Variants in MAX observed in about 807,000 individuals in gnomAD.
The protein encoded by MAX is protein max.
A neutral mutation model predicts 22.3 loss-of-function variants in MAX; 3 were observed. The observed-to-expected ratio is 0.13, with a 90% CI of 0.06 to 0.35. The LOEUF is 0.35. Ranked by LOEUF, MAX falls within the 10% of genes least tolerant of loss-of-function variation. The pLI is 1.00. For missense variants in MAX, 119 were observed against 209.4 expected (o/e 0.57, Z 2.66); for synonymous variants, 72 against 77.7 (o/e 0.93, Z 0.39).
chr14:65,019,313 C>T (rs756842294), intron 3 of MAX, among the ~76,000 whole-genome samples: 1 of 151,974 alleles, frequency 6.6e-6, no homozygotes, highest in Non-Finnish European at 1.5e-5. Flanking sequence ...ATGGTGAAAC[C>T]CTGTCTCTAC....
chr14:65,065,913 G>A (rs1193040173), intron 3 of MAX, among the ~76,000 whole-genome samples: 1 of 152,196 alleles, frequency 6.6e-6, no homozygotes, highest in East Asian at 1.9e-4. Flanking sequence ...GAAACAGGTT[G>A]GAGAGCTTAC....
At chr14:65,083,747 A>C (rs765935334) in intron 3 of MAX, 53 of 1,084,462 alleles carry the variant, frequency 4.9e-5, no homozygotes, top group Non-Finnish European at 5.4e-5. Flanking sequence ...GCTGGACTCA[A>C]CAACTGACAT....
In MAX at chr14:65,102,445, A is replaced by ACACT. The variant is rs556734672; in HGVS notation, c.-110_-107dup. 2.2e-4 allele frequency: 340 copies of ACACT among 1,544,636 alleles called. 2 individuals carry two copies. The East Asian group carries it at 6.0e-3, about 27-fold the overall frequency. On this transcript the variant is annotated 5_prime_UTR_variant, in exon 1 of 5. Transcript: ENST00000358664. ...AACAAGCCGAGTCCCCCCCACACAC[A>ACACT]CACTCACTCACTCACTCACTCGCTC...
At position 65,011,247 on chromosome 14, in the gene MAX, GT is replaced by G. The variant is rs1401411877; in HGVS notation, c.172-4964del. Among the ~76,000 whole-genome samples, 1 of 152,098 alleles carries G rather than the reference GT, an allele frequency of 6.6e-6. No homozygotes were observed. The highest frequency in any genetic ancestry group is 1.5e-5 in the Non-Finnish European group (1 of 68,022). Reference sequence around the variant, plus strand: ...GTTCAAGACCAGCCTGGGCAACATGGTGAAACCCCCGTCTCCACTAAAAATA... The same window carrying G: ...GTTCAAGACCAGCCTGGGCAACATGGGAAACCCCCGTCTCCACTAAAAATA... On this transcript the variant is annotated intron_variant, in intron 3 of 3. Transcript: ENST00000341653. The surrounding 1 kb of genome is among the most constrained non-coding windows in gnomAD (Gnocchi z 4.0).
chr14:65,019,216 G>A (rs2061841466), intron 3 of MAX, among the ~76,000 whole-genome samples: 1 of 151,938 alleles, frequency 6.6e-6, no homozygotes, highest in South Asian at 2.1e-4. Context: ...GCTGGATGTA[G>A]TGGCTCATGG....
chr14:65,100,474 A>T (rs1174892668), intron 2 of MAX, among the ~76,000 whole-genome samples: 1 of 152,144 alleles, frequency 6.6e-6, no homozygotes, highest in East Asian at 1.9e-4. Flanking sequence ...AAATAAAATT[A>T]AAAATAGGAA....
At position 65,048,678 on chromosome 14, in the gene MAX, G is replaced by A. The variant is rs536880568; in HGVS notation, c.172-42394C>T. Among the ~76,000 whole-genome samples, 143 of 151,904 alleles carry A rather than the reference G, an allele frequency of 9.4e-4. 7 individuals carry two copies. The South Asian group carries it at 0.024, about 26-fold the overall frequency. On this transcript the variant is annotated intron_variant, in intron 3 of 3. Transcript: ENST00000341653. ...GACCAGCCTGGGCAATATAGTGAGA[G>A]CTTGTCTCTACAAAAAATTAAAAAC...
chr14:65,102,296 G>A lies in MAX; in HGVS notation c.36+8C>T, dbSNP rs1340766834. ...CCCGCACGGGAAGGAAGAAGCCCCAGGACTCACGTCGCTCTCCACCTCGAT... is the reference window on the plus strand; with the variant it reads ...CCCGCACGGGAAGGAAGAAGCCCCAAGACTCACGTCGCTCTCCACCTCGAT... On this transcript the variant is annotated splice_region_variant and intron_variant, in intron 1 of 4. Transcript: ENST00000358664. 3 of 1,613,750 alleles carry A rather than the reference G, an allele frequency of 1.9e-6. No homozygotes were observed. Among genetic ancestry groups the A allele is most frequent in the South Asian group, 2.2e-5 (2 of 91,046 alleles).
rs1032626356 is a variant in MAX, at chr14:65,012,962, A to G, written c.172-6678T>C. On this transcript the variant is annotated intron_variant, in intron 3 of 3. Coordinates refer to the MAX transcript ENST00000341653. The surrounding 1 kb of genome is among the most constrained non-coding windows in gnomAD (Gnocchi z 5.0). ...ATTTAACATTACTGTTTAAGAGTAGATCTTTAATATTTCCCAGAGCAACGT... is the reference window on the plus strand; with the variant it reads ...ATTTAACATTACTGTTTAAGAGTAGGTCTTTAATATTTCCCAGAGCAACGT... 7.9e-5 allele frequency among the ~76,000 whole-genome samples: 12 copies of G among 152,170 alleles called. 1 individual carries two copies. The highest frequency in any genetic ancestry group is 2.9e-4 in the African/African-American group (12 of 41,426).
In MAX at chr14:65,078,159, G is replaced by T; in HGVS notation, c.172-123C>A. The T allele has an allele frequency of 1.0e-6, 1 of 994,442 alleles. No individual in the cohort carries two copies. Among genetic ancestry groups the T allele is most frequent in the Non-Finnish European group, 1.6e-6 (1 of 631,540 alleles). 61.6% of individuals were successfully genotyped at this position (994,442 alleles called of 1,614,324 possible). A position where few individuals can be genotyped will look rare whatever the true frequency, so the allele number is the denominator to read the frequency against. On this transcript the variant is annotated intron_variant, in intron 3 of 4. Transcript: ENST00000358664. This position sits in a 1 kb window ranked among gnomAD's most constrained non-coding sequence, Gnocchi z 6.4. ...CGAGAGGGTAAGGTGGGAAAAGGCT[G>T]AAGAAATACAATAATGGCTACTGTA...
intron 2 of MAX, among the ~76,000 whole-genome samples, chr14:65,100,313 G>C (rs1040732282): frequency 2.0e-5 from 3 of 152,112 alleles, no homozygotes; most frequent in Non-Finnish European, 4.4e-5. Context: ...AGCTGGGTGT[G>C]GTGGCACGCG....
chr14:65,047,910 C>T lies in MAX; in HGVS notation c.172-41626G>A, dbSNP rs1263290109. ...CTTTTCCTGGAACCCTACACAAAAC[C>T]CCTTGAACAATGGGTACCTTTGGGA... On this transcript the variant is annotated intron_variant, in intron 3 of 3. Coordinates refer to the MAX transcript ENST00000341653. The surrounding 1 kb of genome is among the most constrained non-coding windows in gnomAD (Gnocchi z 5.2). Among the ~76,000 whole-genome samples the T allele has an allele frequency of 6.6e-6, 1 of 152,064 alleles. No homozygotes were observed. Among genetic ancestry groups the T allele is most frequent in the Non-Finnish European group, 1.5e-5 (1 of 68,020 alleles).
In MAX at chr14:65,012,452, A is replaced by G. The variant is rs2139512442; in HGVS notation, c.172-6168T>C. The G allele has an allele frequency of 5.6e-6, 9 of 1,602,154 alleles. No individual in the cohort carries two copies. Among genetic ancestry groups the G allele is most frequent in the Admixed American group, 3.4e-5 (2 of 59,556 alleles). On this transcript the variant is annotated intron_variant, in intron 3 of 3. Coordinates refer to the MAX transcript ENST00000341653. This position sits in a 1 kb window ranked among gnomAD's most constrained non-coding sequence, Gnocchi z 5.0. The stretch of plus-strand genomic sequence containing the variant: ...TCCACCAAATCCTCCTCCTTTTTCT[A>G]TTTAAACGTAAAAGACTGTTGGGGC...
In MAX at chr14:65,007,409, C is replaced by T. The variant is rs1325725883; in HGVS notation, c.172-1125G>A. Among the ~76,000 whole-genome samples the T allele has an allele frequency of 6.6e-6, 1 of 152,198 alleles. No homozygotes were observed. Among genetic ancestry groups the T allele is most frequent in the Non-Finnish European group, 1.5e-5 (1 of 68,042 alleles). On this transcript the variant is annotated intron_variant, in intron 3 of 3. Coordinates refer to the MAX transcript ENST00000341653. The surrounding 1 kb of genome is among the most constrained non-coding windows in gnomAD (Gnocchi z 4.9). ...GCTGATCAAATGGGACAGACTCACA[C>T]ACATGCCCAGGACCACAGACCACGC...
intron 2 of MAX, among the ~76,000 whole-genome samples, chr14:65,098,111 G>A (rs1427012552): frequency 6.6e-6 from 1 of 152,138 alleles, no homozygotes; most frequent in East Asian, 1.9e-4. Flanking sequence ...CACCGTTACT[G>A]GCATCTTGGA....
Position 65,027,916 on chromosome 14 carries a change from T to C in MAX, c.172-21632A>G. 8.8e-7 allele frequency: 1 copy of C among 1,130,240 alleles called. No homozygotes were observed. Among genetic ancestry groups the C allele is most frequent in the Non-Finnish European group, 1.3e-6 (1 of 782,608 alleles). The allele number at this position is 1,130,240 out of a possible 1,614,324, so 70.0% of individuals were successfully genotyped here. A position where few individuals can be genotyped will look rare whatever the true frequency, so the allele number is the denominator to read the frequency against. ...AATGACACATGGGATGACATGTCAG[T>C]GACACGTCAGAATCATTCAGATGTG... On this transcript the variant is annotated intron_variant, in intron 3 of 3. Coordinates refer to the MAX transcript ENST00000341653. The surrounding 1 kb of genome is among the most constrained non-coding windows in gnomAD (Gnocchi z 5.7).
Position 65,076,267 on chromosome 14 carries a change from T to C in MAX, c.*209A>G. ...GGGGACAGGGAATCCCTGAAGGGAA[T>C]ACATTAAAAAATATACAGTGGAAAT... On this transcript the variant is annotated 3_prime_UTR_variant, in exon 5 of 5. Transcript: ENST00000358664. This position sits in a 1 kb window ranked among gnomAD's most constrained non-coding sequence, Gnocchi z 6.6. 2 of 1,438,726 alleles carry C rather than the reference T, an allele frequency of 1.4e-6. No individual in the cohort carries two copies. The highest frequency in any genetic ancestry group is 1.8e-6 in the Non-Finnish European group (2 of 1,102,642). 89.1% of individuals were successfully genotyped at this position (1,438,726 alleles called of 1,614,324 possible).
At chr14:65,061,299 C>T in intron 3 of MAX, 2 of 1,613,910 alleles carry the variant, frequency 1.2e-6, no homozygotes, top group South Asian at 2.2e-5. Context: ...TCGGCAGAGC[C>T]TGCAACCGAC....
chr14:65,058,882 T>C (rs987322856), intron 3 of MAX, among the ~76,000 whole-genome samples: 8 of 152,344 alleles, frequency 5.3e-5, no homozygotes, highest in Middle Eastern at 3.4e-3. Context: ...CTAGTACTTT[T>C]ATTTAGGATT....
Sources: allele counts gnomAD v4.1 joint callset (sites outside exome capture counted in the v4.1 genomes callset), GRCh38; gene constraint gnomAD v4.1.1; non-coding constraint Gnocchi (gnomAD v3.1); transcripts MANE v1.5; gene names NCBI Gene and HGNC (gene_info 2026-07-23, HGNC 2026-07-21).